The following DHX58 variants were observed in gnomAD, a reference collection of about 807,000 sequenced individuals.
The protein encoded by DHX58 is DExH-box helicase 58, also known as ATP-dependent RNA helicase DHX58.
In DHX58, 51 loss-of-function variants were observed where a neutral mutation model predicts 65.0. The observed-to-expected ratio is 0.78, with a 90% CI of 0.63 to 0.99. DHX58 has a LOEUF of 0.99. Among genes scored for constraint, DHX58 ranks in the 50% least tolerant of loss-of-function variants. The pLI, the probability that DHX58 is intolerant of heterozygous loss-of-function variation, is 0.00. For missense variants in DHX58, 773 were observed against 891.8 expected (o/e 0.87, Z 1.70); for synonymous variants, 350 against 365.0 (o/e 0.96, Z 0.47).
At chr17:42,102,404 T>A in intron 12 of DHX58, 92 bp from the exon 13 acceptor site, 1 of 1,138,564 alleles carries the variant, frequency 8.8e-7, no homozygotes, top group South Asian at 1.3e-5. Flanking sequence ...TGCCTGGACC[T>A]TGGGCCTTCC....
At position 42,107,713 on chromosome 17, in the gene DHX58, G is replaced by A. The variant is rs781824640; in HGVS notation, c.888C>T (p.Thr296=). The change falls in exon 8 of 14, where the codon ACC becomes ACT. Residue 296 remains threonine, a synonymous_variant. Coordinates refer to ENST00000251642, the MANE Select transcript of DHX58 (RefSeq NM_024119.3). ...RYNDALLIHD[T]VRAVDALAAL... ...CAGCCAAGGCATCCACGGCGCGGAC[G>A]GTGTCATGGATGAGCAGCGCGTCAT... 2 of 1,610,746 alleles carry A rather than the reference G, an allele frequency of 1.2e-6. No individual in the cohort carries two copies. Among genetic ancestry groups the A allele is most frequent in the Non-Finnish European group, 1.7e-6 (2 of 1,178,456 alleles).
chr17:42,106,910 C>T (rs1216458149), intron 8 of DHX58, among the ~76,000 whole-genome samples: 1 of 152,188 alleles, frequency 6.6e-6, no homozygotes, highest in Non-Finnish European at 1.5e-5. Flanking sequence ...ACCCTCTTCT[C>T]CCCAGTGACC....
intron 3 of DHX58, 60 bp downstream of exon 3, chr17:42,111,665 G>A: frequency 1.3e-6 from 2 of 1,575,366 alleles, no homozygotes; most frequent in South Asian, 1.2e-5. Flanking sequence ...ACTGGGAGAT[G>A]CCTGAAGAGC....
At chr17:42,105,525 A>G (rs1396545634) in intron 9 of DHX58, among the ~76,000 whole-genome samples, 3 of 151,556 alleles carry the variant, frequency 2.0e-5, no homozygotes, top group Non-Finnish European at 2.9e-5. Flanking sequence ...TTCTGCCCCC[A>G]AGGACCTCCA....
At chr17:42,104,237 A>G (rs1409544968) in intron 11 of DHX58, among the ~76,000 whole-genome samples, 1 of 151,932 alleles carries the variant, frequency 6.6e-6, no homozygotes, top group Non-Finnish European at 1.5e-5. Flanking sequence ...TATGGAGAAA[A>G]ACAGTATGAG....
chr17:42,109,455 G>A, intron 5 of DHX58, 69 bp from the exon 6 acceptor site: 1 of 1,335,660 alleles, frequency 7.5e-7, no homozygotes, highest in Non-Finnish European at 1.1e-6. Context: ...ATTTGGGGCA[G>A]GATGGATCCC....
rs782620529 is a variant in DHX58, at chr17:42,104,922, C to T, written c.1407G>A (p.Arg469=). ...LTNEISMVQA[R]GRARADQSVY... is the part of the protein sequence containing the mutation. Reference sequence around the variant, plus strand: ...CACTCTGATCGGCCCGGGCACGGCCCCTGGCCTGGGAAGAGAGACAAGGGG... The same window carrying T: ...CACTCTGATCGGCCCGGGCACGGCCTCTGGCCTGGGAAGAGAGACAAGGGG... The change falls in exon 11 of 14, where the codon AGG becomes AGA. Residue 469 remains arginine (R), a synonymous_variant. Coordinates refer to ENST00000251642, the MANE Select transcript of DHX58 (RefSeq NM_024119.3). The T allele has an allele frequency of 1.9e-6, 3 of 1,614,036 alleles. No individual in the cohort carries two copies. In the South Asian group the frequency reaches 3.3e-5, roughly 18 times the overall value.
At position 42,101,456 on chromosome 17, in the gene DHX58, G is replaced by A. The variant is rs1390197238; in HGVS notation, c.*305C>T. ...TTATGAGGAGCCTCAAAAAATAGAA[G>A]TGGCCTTGGTAGGGAAGGAATGTCG... On this transcript the variant is annotated 3_prime_UTR_variant, in exon 14 of 14. Transcript: ENST00000251642. 2.9e-5 allele frequency: 8 copies of A among 279,526 alleles called. No individual in the cohort carries two copies. Among genetic ancestry groups the A allele is most frequent in the African/African-American group, 6.5e-5 (3 of 45,808 alleles). The allele number at this position is 279,526 out of a possible 1,614,324, so 17.3% of individuals were successfully genotyped here. A position where few individuals can be genotyped will look rare whatever the true frequency, so the allele number is the denominator to read the frequency against.
intron 13 of DHX58, 90 bp from the exon 14 acceptor site, chr17:42,102,036 T>C: frequency 6.8e-7 from 1 of 1,475,112 alleles, no homozygotes; most frequent in South Asian, 1.3e-5. Flanking sequence ...ATACAGGGCC[T>C]TTTCCTCCCA....
rs377159931 is a variant in DHX58 at position 42,105,331 on chromosome 17, C to G, written c.1252-164G>C. Among the ~76,000 whole-genome samples the G allele has an allele frequency of 5.9e-5, 9 of 152,042 alleles. No individual in the cohort carries two copies. The East Asian group carries it at 1.7e-3, about 29-fold the overall frequency. ...CTTTATCCCCAGGTACCCCCAGGATCTTGCCCATCTTCCCAGGTAACTGTC... is the reference window on the plus strand; with the variant it reads ...CTTTATCCCCAGGTACCCCCAGGATGTTGCCCATCTTCCCAGGTAACTGTC... On this transcript the variant is annotated intron_variant, in intron 9 of 13. Transcript: ENST00000251642.
chr17:42,108,130 G>A, intron 6 of DHX58, 22 bp from the exon 7 acceptor site: 1 of 1,614,176 alleles, frequency 6.2e-7, no homozygotes, highest in Non-Finnish European at 8.5e-7. Context: ...GAGAGTTGGA[G>A]GGGATTCCCA....
chr17:42,104,230 G>T (rs1163713920), intron 11 of DHX58, among the ~76,000 whole-genome samples: 1 of 151,964 alleles, frequency 6.6e-6, no homozygotes, highest in Non-Finnish European at 1.5e-5. Flanking sequence ...AAACAGCTAT[G>T]GAGAAAAACA....
At chr17:42,104,031 C>T (rs1297860248) in intron 11 of DHX58, among the ~76,000 whole-genome samples, 1 of 152,110 alleles carries the variant, frequency 6.6e-6, no homozygotes, top group Admixed American at 6.5e-5. Flanking sequence ...CGAGACCAGC[C>T]TGGGCAACAT....
intron 5 of DHX58, among the ~76,000 whole-genome samples, chr17:42,110,433 T>C (rs1323370203): frequency 2.6e-5 from 4 of 152,136 alleles, no homozygotes; most frequent in Admixed American, 1.3e-4. Flanking sequence ...ATGTTCAACA[T>C]GCAGAAGGCA....
At chr17:42,107,845 C>A in intron 7 of DHX58, 50 bp from the exon 8 acceptor site, 1 of 1,536,106 alleles carries the variant, frequency 6.5e-7, no homozygotes. Flanking sequence ...CCGCCCCCTG[C>A]CCTGCCCCAT....
At chr17:42,105,708 C>A (rs782390274) in intron 9 of DHX58, 28 bp downstream of exon 9, 1 of 1,529,374 alleles carries the variant, frequency 6.5e-7, no homozygotes, top group Non-Finnish European at 8.8e-7. Flanking sequence ...TCCCTCCCAG[C>A]GCCAGCATCT....
Position 42,101,601 on chromosome 17 carries a change from G to T in DHX58, c.*160C>A. The T allele has an allele frequency of 1.1e-6, 1 of 895,278 alleles. No individual in the cohort carries two copies. The highest frequency in any genetic ancestry group is 1.7e-6 in the Non-Finnish European group (1 of 590,732). The allele number at this position is 895,278 out of a possible 1,614,324, so 55.5% of individuals were successfully genotyped here. A position where few individuals can be genotyped will look rare whatever the true frequency, so the allele number is the denominator to read the frequency against. Reference sequence around the variant, plus strand: ...TGGACTAAGCTCTGGCCCTCCGGTTGTTTTCCCATTGCGGGAGCCTAAGCC... The same window carrying T: ...TGGACTAAGCTCTGGCCCTCCGGTTTTTTTCCCATTGCGGGAGCCTAAGCC... On this transcript the variant is annotated 3_prime_UTR_variant, in exon 14 of 14. Transcript: ENST00000251642.
At chr17:42,107,559 C>T (rs1555662964) in intron 8 of DHX58, 45 bp downstream of exon 8, 1 of 1,496,096 alleles carries the variant, frequency 6.7e-7, no homozygotes, top group African/African-American at 1.4e-5. Flanking sequence ...ACCTCGCATC[C>T]AGGTCCCATC....
chr17:42,102,321 GAA>G lies in DHX58; in HGVS notation c.1755-11_1755-10del. The stretch of plus-strand genomic sequence containing the variant: ...AGACATTATAGTAGTTCCTGGAGAG[GAA>G]GGGGGGTGGCCACAGCCCTCATTGA... On this transcript the variant is annotated splice_polypyrimidine_tract_variant and intron_variant, in intron 12 of 13. Coordinates refer to ENST00000251642, the MANE Select transcript of DHX58 (RefSeq NM_024119.3). The G allele has an allele frequency of 6.2e-7, 1 of 1,612,848 alleles. No homozygotes were observed. The highest frequency in any genetic ancestry group is 8.5e-7 in the Non-Finnish European group (1 of 1,178,910).
Sources: gnomAD v4.1 joint callset for allele counts (sites outside exome capture counted in the v4.1 genomes callset) on GRCh38, gnomAD v4.1.1 for gene constraint, MANE v1.5 for transcripts, NCBI Gene and HGNC (gene_info 2026-07-23, HGNC 2026-07-21) for gene names.